Variants in SEC23IP observed in about 807,000 individuals in gnomAD.
The protein encoded by SEC23IP is SEC23-interacting protein.
A neutral mutation model predicts 113.4 loss-of-function variants in SEC23IP; 70 were observed. The ratio of observed to expected loss-of-function variants is 0.62; its 90% CI spans 0.51 to 0.75. The LOEUF is 0.75. Among genes scored for constraint, SEC23IP ranks in the 30% least tolerant of loss-of-function variants. SEC23IP has a pLI of 0.00. For missense variants in SEC23IP, 1,160 were observed against 1,204.9 expected (o/e 0.96, Z 0.55); for synonymous variants, 398 against 421.0 (o/e 0.95, Z 0.67).
In SEC23IP at chr10:119,898,632, A is replaced by G. The variant is rs774857285; in HGVS notation, c.369A>G (p.Thr123=). The stretch of plus-strand genomic sequence containing the variant: ...AGCCCCTGACTGCTCTCCCTTTTAC[A>G]ACTGGATCCCAAGATGTCTCGAATG... ...FPKPLTALPF[T]TGSQDVSNAF... Residue 123 remains threonine (T), a synonymous_variant, in exon 2 of 19, where the codon ACA becomes ACG. Transcript: ENST00000369075. 1 of 1,614,190 alleles carries G rather than the reference A, an allele frequency of 6.2e-7. No homozygotes were observed. Among genetic ancestry groups the G allele is most frequent in the Non-Finnish European group, 8.5e-7 (1 of 1,180,040 alleles).
chr10:119,905,472 G>A (rs192962537), intron 4 of SEC23IP, among the ~76,000 whole-genome samples: 2 of 152,294 alleles, frequency 1.3e-5, no homozygotes, highest in Non-Finnish European at 2.9e-5. Context: ...GACCACTGCA[G>A]CAACACATGG....
chr10:119,913,298 T>C (rs1425004639), intron 6 of SEC23IP, among the ~76,000 whole-genome samples: 1 of 152,210 alleles, frequency 6.6e-6, no homozygotes, highest in Non-Finnish European at 1.5e-5. Context: ...GCAACACTTT[T>C]AGGCTTGTGG....
At chr10:119,915,722 TTC>T in intron 7 of SEC23IP, 24 bp from the exon 8 acceptor site, 3 of 1,477,354 alleles carry the variant, frequency 2.0e-6, no homozygotes, top group Non-Finnish European at 2.7e-6. Flanking sequence ...TTAATTTATT[TTC>T]TCTTTTTTTT....
At position 119,918,393 on chromosome 10, in the gene SEC23IP, G is replaced by C. The variant is rs1427769971; in HGVS notation, c.1754G>C (p.Gly585Ala). 3 of 1,563,046 alleles carry C rather than the reference G, an allele frequency of 1.9e-6. No individual in the cohort carries two copies. Among genetic ancestry groups the C allele is most frequent in the Non-Finnish European group, 2.6e-6 (3 of 1,135,952 alleles). Residue 585 changes from glycine (G) to alanine (A), a missense_variant and splice_region_variant, in exon 10 of 19, where the codon GGT (glycine) becomes GCT (alanine). Transcript: ENST00000369075. ...AAGGCAAAATGTTTCTTTTTCATAG[G>C]TTCTTTAATATTGTTTGACATCCTG... ...GGVSVAGHSL[G>A]SLILFDILSN...
intron 10 of SEC23IP, 35 bp from the exon 11 acceptor site, chr10:119,919,409 A>C (rs1855165718): frequency 6.4e-7 from 1 of 1,568,862 alleles, no homozygotes; most frequent in Admixed American, 2.0e-5. Flanking sequence ...AGTTTTTCTG[A>C]GCTTGTAATG....
At chr10:119,935,102 C>A (rs369061355) in intron 18 of SEC23IP, among the ~76,000 whole-genome samples, 5 of 152,336 alleles carry the variant, frequency 3.3e-5, no homozygotes, top group African/African-American at 1.2e-4. Context: ...CAGTGTTCCA[C>A]GTTTTGTGTA....
At chr10:119,921,033 A>G in intron 12 of SEC23IP, 49 bp downstream of exon 12, 1 of 1,340,782 alleles carries the variant, frequency 7.5e-7, no homozygotes, top group Non-Finnish European at 1.1e-6. Flanking sequence ...TGGTGTGACC[A>G]GCTCGTTTAT....
chr10:119,899,003 T>G (rs1201405837), intron 2 of SEC23IP, 44 bp downstream of exon 2: 1 of 1,437,136 alleles, frequency 7.0e-7, no homozygotes, highest in South Asian at 1.3e-5. Context: ...ACTCTGTGTC[T>G]TCTTTCTCAC....
rs941532445 is a variant in SEC23IP at position 119,944,316 on chromosome 10, G to A, written c.*3751G>A. 2.6e-4 allele frequency: 40 copies of A among 152,162 alleles called. 1 individual carries two copies. The highest frequency in any genetic ancestry group is 2.0e-3 in the Admixed American group (31 of 15,268). The allele number at this position is 152,162 out of a possible 1,614,324, so 9.4% of individuals were successfully genotyped here. A position where few individuals can be genotyped will look rare whatever the true frequency, so the allele number is the denominator to read the frequency against. ...CTTTCGTCACAATTGTAAGTTCCCC[G>A]AGGTTCGTCATGATTGTAAGTTTCC... is the stretch of plus-strand genomic sequence containing the variant. On this transcript the variant is annotated 3_prime_UTR_variant, in exon 19 of 19. Transcript: ENST00000369075.
At chr10:119,924,048 T>C (rs550722972) in intron 12 of SEC23IP, among the ~76,000 whole-genome samples, 1 of 152,346 alleles carries the variant, frequency 6.6e-6, no homozygotes, top group South Asian at 2.1e-4. Context: ...ATGTTCCTTA[T>C]TTCGGATTTT....
chr10:119,904,015 C>T (rs1241404173), intron 3 of SEC23IP, 69 bp from the exon 4 acceptor site: 4 of 1,529,946 alleles, frequency 2.6e-6, no homozygotes, highest in Non-Finnish European at 3.6e-6. Flanking sequence ...CCACTGCGCC[C>T]AGCAGATTAT....
At chr10:119,916,189 GCTTTCCA>G (rs1020407635) in intron 8 of SEC23IP, among the ~76,000 whole-genome samples, 51 of 152,244 alleles carry the variant, frequency 3.3e-4, no homozygotes, top group African/African-American at 1.2e-3. Context: ...TGCCTAATGG[GCTTTCCA>G]CCCCAACAAA....
At position 119,918,455 on chromosome 10, in the gene SEC23IP, G is replaced by T. The variant is rs1043017086; in HGVS notation, c.1816G>T (p.Gly606Ter). The T allele has an allele frequency of 6.2e-7, 1 of 1,613,652 alleles. No homozygotes were observed. The highest frequency in any genetic ancestry group is 1.3e-5 in the African/African-American group (1 of 74,914). Reference sequence around the variant, plus strand: ...AGATTTGAATTTATCAAAGTGCCCTGGACCTCTTGCTGTTGCTAATGGAGT... The same window carrying T: ...AGATTTGAATTTATCAAAGTGCCCTTGACCTCTTGCTGTTGCTAATGGAGT... Reference protein sequence around the residue: ...QKDLNLSKCPGPLAVANGVVK... With the variant: ...QKDLNLSKCP The change falls in exon 10 of 19, where the codon GGA (glycine) becomes TGA (stop). Residue 606 changes from glycine to a stop codon, truncating the protein, a stop_gained. Coordinates refer to ENST00000369075, the MANE Select transcript of SEC23IP (RefSeq NM_007190.4). LOFTEE classifies it high-confidence loss of function.
At chr10:119,905,037 A>G (rs1250166156) in intron 4 of SEC23IP, among the ~76,000 whole-genome samples, 2 of 152,032 alleles carry the variant, frequency 1.3e-5, no homozygotes, top group Non-Finnish European at 2.9e-5. Flanking sequence ...GGGAGGCTGA[A>G]GAGGAAGGAT....
intron 4 of SEC23IP, 146 bp from the exon 5 acceptor site, chr10:119,908,895 A>T (rs1162965173): frequency 1.7e-6 from 1 of 599,256 alleles, no homozygotes. Flanking sequence ...GTGTAAGGTG[A>T]TAAAAAATAT....
intron 6 of SEC23IP, among the ~76,000 whole-genome samples, chr10:119,912,727 G>A (rs1469875856): frequency 3.5e-5 from 5 of 143,914 alleles, no homozygotes; most frequent in East Asian, 2.2e-4. Context: ...TACAACCTCC[G>A]CCTCCCAGGT....
At position 119,898,298 on chromosome 10, in the gene SEC23IP, TC is replaced by T; in HGVS notation, c.164-128del. ...AGAAAAAAAGAAAAAACTGTTTTTTTCTGTAATGCAGAAATAGCAAGTTTGA... is the reference window on the plus strand; with the variant it reads ...AGAAAAAAAGAAAAAACTGTTTTTTTTGTAATGCAGAAATAGCAAGTTTGA... On this transcript the variant is annotated intron_variant, in intron 1 of 18. Coordinates refer to ENST00000369075, the MANE Select transcript of SEC23IP (RefSeq NM_007190.4). 5 of 1,340,646 alleles carry T rather than the reference TC, an allele frequency of 3.7e-6. No individual in the cohort carries two copies. In the East Asian group the frequency reaches 1.4e-4, roughly 36 times the overall value. The allele number at this position is 1,340,646 out of a possible 1,614,324, so 83.0% of individuals were successfully genotyped here.
intron 11 of SEC23IP, among the ~76,000 whole-genome samples, chr10:119,920,324 A>G (rs1379272488): frequency 1.3e-5 from 2 of 152,246 alleles, no homozygotes; most frequent in Non-Finnish European, 2.9e-5. Context: ...AAGGTAACAA[A>G]ACATTAGAGA....
Position 119,900,041 on chromosome 10 carries a change from T to TC in SEC23IP, c.696+1086dup, listed in dbSNP as rs111409908. 2.8e-3 allele frequency among the ~76,000 whole-genome samples: 417 copies of TC among 151,084 alleles called. 4 individuals are homozygous for TC. Among genetic ancestry groups the TC allele is most frequent in the African/African-American group, 9.6e-3 (395 of 41,158 alleles). Reference sequence around the variant, plus strand: ...TCCTGCCCCTCCCTCTTCCCTCCCTTCCCCTCATCGTTTTTTTCTCTTTCT... The same window carrying TC: ...TCCTGCCCCTCCCTCTTCCCTCCCTTCCCCCTCATCGTTTTTTTCTCTTTCT... On this transcript the variant is annotated intron_variant, in intron 2 of 18. Transcript: ENST00000369075.
Sources: gnomAD v4.1 joint callset for allele counts (sites outside exome capture counted in the v4.1 genomes callset) on GRCh38, gnomAD v4.1.1 for gene constraint, MANE v1.5 for transcripts, NCBI Gene and HGNC (gene_info 2026-07-23, HGNC 2026-07-21) for gene names.